Variants in COL16A1 observed in about 807,000 individuals in gnomAD.
The protein encoded by COL16A1 is collagen type XVI alpha 1 chain.
In COL16A1, 189 loss-of-function variants were observed where a neutral mutation model predicts 266.3. The ratio of observed to expected loss-of-function variants is 0.71; its 90% CI spans 0.63 to 0.80. The LOEUF (loss-of-function observed/expected upper bound fraction) is 0.80, where lower values mean the gene tolerates loss of function less well. Ranked by LOEUF, COL16A1 falls within the 30% of genes least tolerant of loss-of-function variation. The pLI is 0.00. For synonymous variants in COL16A1, 740 were observed against 782.3 expected, an observed-to-expected ratio of 0.95 and a Z score of 0.90; for missense variants, 1,928 against 2,122.4, an observed-to-expected ratio of 0.91 and a Z score of 1.80.
Position 31,657,760 on chromosome 1 carries a change from A to C in COL16A1, c.4021-692T>G, listed in dbSNP as rs993478479. On this transcript the variant is annotated intron_variant, in intron 64 of 70. Transcript: ENST00000373672. This position sits in a 1 kb window ranked among gnomAD's most constrained non-coding sequence, Gnocchi z 6.4. ...CCTCTGCTCTCCCAGGAGACTTTTC[A>C]TCCCTGACCCTGGCAATCAGTTGCA... Among the ~76,000 whole-genome samples, 8 of 152,220 alleles carry C rather than the reference A, an allele frequency of 5.3e-5. No individual in the cohort carries two copies. The highest frequency in any genetic ancestry group is 1.9e-4 in the African/African-American group (8 of 41,452).
At position 31,664,473 on chromosome 1, in the gene COL16A1, C is replaced by G. The variant is rs1320761813; in HGVS notation, c.3555+699G>C. Among the ~76,000 whole-genome samples, 2 of 152,164 alleles carry G rather than the reference C, an allele frequency of 1.3e-5. No individual in the cohort carries two copies. Among genetic ancestry groups the G allele is most frequent in the Non-Finnish European group, 2.9e-5 (2 of 68,018 alleles). The stretch of plus-strand genomic sequence containing the variant: ...CCCTCTGAACCCAGGTCCCCCGACC[C>G]CAAGCTCAGAAGTCAATCTTCGGGC... On this transcript the variant is annotated intron_variant, in intron 56 of 70. Transcript: ENST00000373672. This position sits in a 1 kb window ranked among gnomAD's most constrained non-coding sequence, Gnocchi z 5.5.
In COL16A1 at chr1:31,655,433, G is replaced by A. The variant is rs771239207; in HGVS notation, c.4171C>T (p.Pro1391Ser). ...EKGRAGMPGGPGKSGSMGPVG... is the reference protein window; with the variant it reads ...EKGRAGMPGGSGKSGSMGPVG... ...GGCCCCATGGAACCACTCTTGCCAG[G>A]TCCACCAGGCATGCCGGCTCTCCCC... is the stretch of plus-strand genomic sequence containing the variant. The change falls in exon 67 of 71, where the codon CCT (proline) becomes TCT (serine). Residue 1391 changes from proline (P) to serine (S), a missense_variant. Physicochemically the swap from Pro to Ser is moderately conservative, Grantham distance 74 (BLOSUM62 -1). This residue lies in a region of COL16A1 where 376 missense variants were observed against 485.2 expected (regional missense o/e 0.77). Coordinates refer to ENST00000373672, the MANE Select transcript of COL16A1 (RefSeq NM_001856.4). 1 of 1,614,134 alleles carries A rather than the reference G, an allele frequency of 6.2e-7. No homozygotes were observed. The highest frequency in any genetic ancestry group is 8.5e-7 in the Non-Finnish European group (1 of 1,180,016).
chr1:31,674,288 GGAGA>G (rs1642991415), intron 44 of COL16A1, among the ~76,000 whole-genome samples: 1 of 152,226 alleles, frequency 6.6e-6, no homozygotes, highest in African/African-American at 2.4e-5. Context: ...CTGGGCTAGA[GGAGA>G]GAAAGTCCAG....
rs147127986 is a variant in COL16A1 at position 31,677,308 on chromosome 1, C to T, written c.2773-1997G>A. On this transcript the variant is annotated intron_variant, in intron 42 of 70. Coordinates refer to ENST00000373672, the MANE Select transcript of COL16A1 (RefSeq NM_001856.4). Reference sequence around the variant, plus strand: ...TTCGCCATGCTGGCCAGGCTGGTCTCGAACTCCTGACCTCAAGTGATCTGC... The same window carrying T: ...TTCGCCATGCTGGCCAGGCTGGTCTTGAACTCCTGACCTCAAGTGATCTGC... Among the ~76,000 whole-genome samples the T allele has an allele frequency of 5.9e-5, 9 of 152,324 alleles. No homozygotes were observed. In the East Asian group the frequency reaches 1.4e-3, roughly 23 times the overall value.
At chr1:31,665,109 G>A in intron 56 of COL16A1, 63 bp downstream of exon 56, 1 of 1,582,516 alleles carries the variant, frequency 6.3e-7, no homozygotes, top group Non-Finnish European at 8.6e-7. Context: ...CTAGGGGTGG[G>A]ACAGGGGCAT....
At chr1:31,687,306 T>C (rs916302093) in intron 26 of COL16A1, among the ~76,000 whole-genome samples, 4 of 142,528 alleles carry the variant, frequency 2.8e-5, no homozygotes, top group African/African-American at 8.0e-5. Flanking sequence ...CACTTGAACC[T>C]GGGAGGTGGA....
chr1:31,679,675 C>T lies in COL16A1; in HGVS notation c.2729G>A (p.Gly910Asp), dbSNP rs759763086. The T allele has an allele frequency of 6.2e-7, 1 of 1,614,120 alleles. No homozygotes were observed. Among genetic ancestry groups the T allele is most frequent in the South Asian group, 1.1e-5 (1 of 91,082 alleles). ...SWQPGPQGPP[G>D]IPGPPGPPGV... is the part of the protein sequence containing the mutation. ...AGGGGGGCCTGGTGGTCCGGGAATA[C>T]CTGGTGGACCCTGAGGGAGAGAGAA... The change falls in exon 42 of 71, where the codon GGT becomes GAT. Residue 910 changes from glycine to aspartate, a missense_variant. Gly to Asp is a moderately conservative substitution (Grantham distance 94). This residue lies in a region of COL16A1 where 1,552 missense variants were observed against 1,637.2 expected (regional missense o/e 0.95). Transcript: ENST00000373672.
rs909476320 is a variant in COL16A1 at position 31,697,159 on chromosome 1, T to A, written c.738+61A>T. ...CCTCCTAAGACCTCCAGGCATCACCTTCCAGACCCTCATCTCCAGCACAGT... is the reference window on the plus strand; with the variant it reads ...CCTCCTAAGACCTCCAGGCATCACCATCCAGACCCTCATCTCCAGCACAGT... On this transcript the variant is annotated intron_variant, in intron 7 of 70. Transcript: ENST00000373672. This position sits in a 1 kb window ranked among gnomAD's most constrained non-coding sequence, Gnocchi z 4.2. The A allele has an allele frequency of 1.9e-6, 3 of 1,612,462 alleles. No homozygotes were observed. Among genetic ancestry groups the A allele is most frequent in the Non-Finnish European group, 2.5e-6 (3 of 1,178,996 alleles).
In COL16A1 at chr1:31,663,956, C is replaced by T. The variant is rs1209392604; in HGVS notation, c.3555+1216G>A. On this transcript the variant is annotated intron_variant, in intron 56 of 70. Transcript: ENST00000373672. This position sits in a 1 kb window ranked among gnomAD's most constrained non-coding sequence, Gnocchi z 4.9. ...AGGGTGGTCAAGGGAAGGAATCCCGCTAGAGAGACCCAGCAAAGGGGAAAA... is the reference window on the plus strand; with the variant it reads ...AGGGTGGTCAAGGGAAGGAATCCCGTTAGAGAGACCCAGCAAAGGGGAAAA... Among the ~76,000 whole-genome samples the T allele has an allele frequency of 6.6e-6, 1 of 152,150 alleles. No homozygotes were observed. The highest frequency in any genetic ancestry group is 2.4e-5 in the African/African-American group (1 of 41,410).
chr1:31,657,229 T>C lies in COL16A1; in HGVS notation c.4021-161A>G. 1.2e-6 allele frequency: 1 copy of C among 811,850 alleles called. No individual in the cohort carries two copies. Among genetic ancestry groups the C allele is most frequent in the East Asian group, 2.7e-5 (1 of 37,676 alleles). The allele number at this position is 811,850 out of a possible 1,614,324, so 50.3% of individuals were successfully genotyped here. ...AATCTGGGCACAGGCCGTGGAAACT[T>C]AGACCCCCACCCCATACTCCAGCGT... On this transcript the variant is annotated intron_variant, in intron 64 of 70. Coordinates refer to ENST00000373672, the MANE Select transcript of COL16A1 (RefSeq NM_001856.4). The surrounding 1 kb of genome is among the most constrained non-coding windows in gnomAD (Gnocchi z 6.4).
Position 31,697,795 on chromosome 1 carries a change from G to A in COL16A1, c.657+111C>T. Reference sequence around the variant, plus strand: ...GCTGCATTTGGAGGGCAACAGGAAAGCAGGGGAAGATTCTAAGCAGGAGAA... The same window carrying A: ...GCTGCATTTGGAGGGCAACAGGAAAACAGGGGAAGATTCTAAGCAGGAGAA... On this transcript the variant is annotated intron_variant, in intron 6 of 70. Coordinates refer to ENST00000373672, the MANE Select transcript of COL16A1 (RefSeq NM_001856.4). This position sits in a 1 kb window ranked among gnomAD's most constrained non-coding sequence, Gnocchi z 4.2. The A allele has an allele frequency of 7.6e-7, 1 of 1,309,250 alleles. No homozygotes were observed. Among genetic ancestry groups the A allele is most frequent in the East Asian group, 2.3e-5 (1 of 43,100 alleles). The allele number at this position is 1,309,250 out of a possible 1,614,324, so 81.1% of individuals were successfully genotyped here.
chr1:31,694,043 G>T, intron 12 of COL16A1, 101 bp downstream of exon 12: 1 of 1,090,594 alleles, frequency 9.2e-7, no homozygotes. Context: ...TACAGGCTCA[G>T]GTGGCCCTGA....
chr1:31,654,090 G>A, intron 68 of COL16A1, 47 bp from the exon 69 acceptor site: 4 of 1,572,188 alleles, frequency 2.5e-6, no homozygotes, highest in Non-Finnish European at 3.5e-6. Flanking sequence ...GGTCCCCCAG[G>A]GACTCAGAAT....
In COL16A1 at chr1:31,695,990, G is replaced by C. The variant is rs940167337; in HGVS notation, c.918+98C>G. On this transcript the variant is annotated intron_variant, in intron 9 of 70. Coordinates refer to ENST00000373672, the MANE Select transcript of COL16A1 (RefSeq NM_001856.4). ...TCTGTCCAGGAGGTGGGAAAGGCGGGAGGAGAGTGGGAGTGGAGCACCTTA... is the reference window on the plus strand; with the variant it reads ...TCTGTCCAGGAGGTGGGAAAGGCGGCAGGAGAGTGGGAGTGGAGCACCTTA... 6.0e-6 allele frequency: 7 copies of C among 1,161,246 alleles called. No individual in the cohort carries two copies. In the African/African-American group the frequency reaches 9.0e-5, roughly 15 times the overall value. 71.9% of individuals were successfully genotyped at this position (1,161,246 alleles called of 1,614,324 possible).
chr1:31,668,054 G>A lies in COL16A1; in HGVS notation c.3303+111C>T. On this transcript the variant is annotated intron_variant, in intron 51 of 70. Transcript: ENST00000373672. This position sits in a 1 kb window ranked among gnomAD's most constrained non-coding sequence, Gnocchi z 5.8. ...TTTAGGCAAAGGAGGAGGCTGAAAT[G>A]CCCGGTAATGGGGAGCCCGCCGAGG... is the stretch of plus-strand genomic sequence containing the variant. The A allele has an allele frequency of 2.2e-6, 2 of 898,194 alleles. No individual in the cohort carries two copies. Among genetic ancestry groups the A allele is most frequent in the South Asian group, 3.1e-5 (2 of 64,860 alleles). 55.6% of individuals were successfully genotyped at this position (898,194 alleles called of 1,614,324 possible). A position where few individuals can be genotyped will look rare whatever the true frequency, so the allele number is the denominator to read the frequency against.
rs772039253 is a variant in COL16A1, at chr1:31,689,764, G to C, written c.1597C>G (p.Pro533Ala). 5.6e-6 allele frequency: 9 copies of C among 1,614,054 alleles called. No homozygotes were observed. In the South Asian group the frequency reaches 9.9e-5, roughly 18 times the overall value. ...LPGKPGPKGE[P>A]GDPVPARGDP... Reference sequence around the variant, plus strand: ...ACCCTGGCTGGTACAGGATCACCAGGCTCCCCTTTGGGCCCTGGCTTTCCA... The same window carrying C: ...ACCCTGGCTGGTACAGGATCACCAGCCTCCCCTTTGGGCCCTGGCTTTCCA... The change falls in exon 23 of 71, where the codon CCT (proline) becomes GCT (alanine). Residue 533 changes from proline to alanine, a missense_variant. This residue lies in a region of COL16A1 where 1,552 missense variants were observed against 1,637.2 expected (regional missense o/e 0.95). Coordinates refer to ENST00000373672, the MANE Select transcript of COL16A1 (RefSeq NM_001856.4).
chr1:31,654,769 C>T (rs1460906675), intron 68 of COL16A1, 23 bp downstream of exon 68: 1 of 1,613,878 alleles, frequency 6.2e-7, no homozygotes, highest in South Asian at 1.1e-5. Context: ...GCACCCACTG[C>T]CACCCAGCTG....
intron 2 of COL16A1, chr1:31,701,363 C>A (rs1472798880): frequency 2.0e-6 from 2 of 985,366 alleles, no homozygotes; most frequent in Middle Eastern, 5.2e-4. Flanking sequence ...TGTGCACATA[C>A]AAGGGGCAGG....
chr1:31,670,671 C>A lies in COL16A1; in HGVS notation c.3151-25G>T. On this transcript the variant is annotated intron_variant, in intron 48 of 70. Coordinates refer to ENST00000373672, the MANE Select transcript of COL16A1 (RefSeq NM_001856.4). This position sits in a 1 kb window ranked among gnomAD's most constrained non-coding sequence, Gnocchi z 4.5. Reference sequence around the variant, plus strand: ...CCTGGTGGGAGAAACAGGCAGGTCACATCTCACAGGCACAGTAACCCTGGG... The same window carrying A: ...CCTGGTGGGAGAAACAGGCAGGTCAAATCTCACAGGCACAGTAACCCTGGG... The A allele has an allele frequency of 7.0e-7, 1 of 1,432,824 alleles. No individual in the cohort carries two copies. Among genetic ancestry groups the A allele is most frequent in the Non-Finnish European group, 9.1e-7 (1 of 1,097,806 alleles). 88.8% of individuals were successfully genotyped at this position (1,432,824 alleles called of 1,614,324 possible). A position where few individuals can be genotyped will look rare whatever the true frequency, so the allele number is the denominator to read the frequency against.
Sources: gnomAD v4.1 joint callset for allele counts (sites outside exome capture counted in the v4.1 genomes callset) on GRCh38, gnomAD v4.1.1 for gene constraint, gnomAD v4.1.1 regional missense constraint, Gnocchi (gnomAD v3.1) non-coding constraint, MANE v1.5 for transcripts, NCBI Gene and HGNC (gene_info 2026-07-23, HGNC 2026-07-21) for gene names.